KLC1: variants seen among roughly 807,000 people sequenced by gnomAD.
The protein encoded by KLC1 is kinesin 2 60/70kDa.
Under a neutral mutation model 84.2 loss-of-function variants are expected in KLC1, and 30 were observed. The ratio of observed to expected loss-of-function variants is 0.36; its 90% CI spans 0.27 to 0.48. The LOEUF is 0.48. Among genes scored for constraint, KLC1 ranks in the 20% least tolerant of loss-of-function variants. KLC1 has a pLI of 0.99. For missense variants in KLC1, 499 were observed against 805.4 expected (o/e 0.62, Z 4.60); for synonymous variants, 289 against 293.3 (o/e 0.99, Z 0.15).
intron 13 of KLC1, chr14:103,679,822 G>T: frequency 5.5e-6 from 2 of 363,714 alleles, no homozygotes; most frequent in South Asian, 1.3e-4. Context: ...ATCCCTGTCT[G>T]GTTTCATTTT....
At chr14:103,660,032 AG>A (rs2079148768) in intron 3 of KLC1, among the ~76,000 whole-genome samples, 1 of 152,132 alleles carries the variant, frequency 6.6e-6, no homozygotes, top group South Asian at 2.1e-4. Flanking sequence ...CACCTCCCAA[AG>A]GTTTCATCTC....
At chr14:103,633,061 ATTTTT>A (rs775065731) in intron 1 of KLC1, among the ~76,000 whole-genome samples, 1 of 144,550 alleles carries the variant, frequency 6.9e-6, no homozygotes, top group Non-Finnish European at 1.5e-5. Context: ...GGGTTGGAAG[ATTTTT>A]TTTTTTTTTG....
At chr14:103,629,801 C>T (rs902907941) in intron 1 of KLC1, among the ~76,000 whole-genome samples, 1 of 152,132 alleles carries the variant, frequency 6.6e-6, no homozygotes, top group Non-Finnish European at 1.5e-5. Context: ...CCCGGCCCTG[C>T]CCAGGGCCCC....
chr14:103,631,881 G>A (rs1015068553), intron 1 of KLC1, among the ~76,000 whole-genome samples: 6 of 152,126 alleles, frequency 3.9e-5, no homozygotes, highest in African/African-American at 1.4e-4. Flanking sequence ...TTACAGGTGT[G>A]AGCCATTGCA....
intron 13 of KLC1, among the ~76,000 whole-genome samples, chr14:103,680,568 G>T (rs558942299): frequency 1.2e-4 from 19 of 152,258 alleles, no homozygotes; most frequent in African/African-American, 4.6e-4. Flanking sequence ...ATTTGAGGGA[G>T]AACATTCTCT....
chr14:103,699,628 G>A (rs746236749), intron 15 of KLC1: 1 of 1,588,018 alleles, frequency 6.3e-7, no homozygotes. Context: ...CCCGCCCCAG[G>A]TGACCAGACC....
intron 5 of KLC1, among the ~76,000 whole-genome samples, chr14:103,667,154 C>T (rs550464820): frequency 1.3e-5 from 2 of 152,002 alleles, no homozygotes; most frequent in East Asian, 3.9e-4. Flanking sequence ...TCTTGTTGGC[C>T]AGGCTGGAGT....
chr14:103,672,167 G>A (rs2080443149), intron 7 of KLC1, among the ~76,000 whole-genome samples: 1 of 152,080 alleles, frequency 6.6e-6, no homozygotes, highest in Non-Finnish European at 1.5e-5. Flanking sequence ...AGGGAAGGTC[G>A]GTGTTGGAAC....
At chr14:103,699,326 A>G (rs547011404) in intron 15 of KLC1, 37 of 1,564,212 alleles carry the variant, frequency 2.4e-5, no homozygotes, top group Non-Finnish European at 3.1e-5. Flanking sequence ...CTGGCTAAAA[A>G]TACGAGCTCA....
chr14:103,677,898 T>C (rs1335957780), intron 12 of KLC1, among the ~76,000 whole-genome samples: 5 of 144,770 alleles, frequency 3.5e-5, no homozygotes, highest in African/African-American at 1.3e-4. Flanking sequence ...ACCTGGGAGG[T>C]GGAGGCTGCA....
intron 2 of KLC1, 63 bp from the exon 3 acceptor site, chr14:103,657,483 C>A (rs2078925856): frequency 7.5e-7 from 1 of 1,335,634 alleles, no homozygotes; most frequent in African/African-American, 1.4e-5. Flanking sequence ...AATGTTCGCA[C>A]GGGTGGGAGG....
intron 13 of KLC1, among the ~76,000 whole-genome samples, chr14:103,680,830 G>A (rs891955417): frequency 6.6e-6 from 1 of 152,232 alleles, no homozygotes; most frequent in African/African-American, 2.4e-5. Context: ...GGTGCAGATT[G>A]TGATCCTCTT....
At chr14:103,685,684 C>T (rs756872883) in intron 13 of KLC1, 44 of 1,289,364 alleles carry the variant, frequency 3.4e-5, no homozygotes, top group South Asian at 1.1e-4. Flanking sequence ...TGACGGGTGG[C>T]GCCTCCCGCA....
chr14:103,643,561 C>T (rs2151376103), intron 1 of KLC1, among the ~76,000 whole-genome samples: 1 of 152,312 alleles, frequency 6.6e-6, no homozygotes, highest in South Asian at 2.1e-4. Flanking sequence ...AACATGTGCC[C>T]AAGGTGGTCG....
In KLC1 at chr14:103,701,324, C is replaced by A; in HGVS notation, c.*125C>A. On this transcript the variant is annotated 3_prime_UTR_variant, in exon 17 of 17. Transcript: ENST00000334553. ...CCGCAGCGCTCACTCATTTCTCCTG[C>A]GTCTGTGTGCATAGGACATGATACT... The A allele has an allele frequency of 9.6e-7, 1 of 1,043,980 alleles. No homozygotes were observed. Among genetic ancestry groups the A allele is most frequent in the Non-Finnish European group, 1.4e-6 (1 of 708,808 alleles). 64.7% of individuals were successfully genotyped at this position (1,043,980 alleles called of 1,614,324 possible). A position where few individuals can be genotyped will look rare whatever the true frequency, so the allele number is the denominator to read the frequency against.
chr14:103,643,288 C>T (rs572815352), intron 1 of KLC1, among the ~76,000 whole-genome samples: 10 of 152,256 alleles, frequency 6.6e-5, no homozygotes, highest in African/African-American at 2.4e-4. Flanking sequence ...GTGTGGGCTG[C>T]ACTTAGTGAC....
intron 13 of KLC1, chr14:103,686,276 T>C: frequency 1.0e-6 from 1 of 958,650 alleles, no homozygotes; most frequent in Non-Finnish European, 1.2e-6. Flanking sequence ...TCTTTATCCA[T>C]GAAACGCCGC....
intron 14 of KLC1, among the ~76,000 whole-genome samples, chr14:103,691,730 A>T (rs1307558995): frequency 6.6e-6 from 1 of 151,758 alleles, no homozygotes; most frequent in African/African-American, 2.4e-5. Flanking sequence ...CAGCCTCCCA[A>T]AGATTACAGG....
At chr14:103,692,869 C>T (rs1050095111) in intron 15 of KLC1, among the ~76,000 whole-genome samples, 9 of 152,210 alleles carry the variant, frequency 5.9e-5, no homozygotes, top group African/African-American at 2.2e-4. Flanking sequence ...AGCGTGCTGT[C>T]AGTTTGACAC....
Sources: gnomAD v4.1 joint callset for allele counts (sites outside exome capture counted in the v4.1 genomes callset) on GRCh38, gnomAD v4.1.1 for gene constraint, MANE v1.5 for transcripts, NCBI Gene and HGNC (gene_info 2026-07-23, HGNC 2026-07-21) for gene names.